Variants in B3GALT1 observed in about 807,000 individuals in gnomAD.
B3GALT1 encodes UDP-Gal:betaGlcNAc beta 1,3-galactosyltransferase, polypeptide 1.
A neutral mutation model predicts 23.2 loss-of-function variants in B3GALT1; 10 were observed. That is an observed-to-expected ratio of 0.43 (90% CI 0.27 to 0.73). B3GALT1 has a LOEUF of 0.73. B3GALT1 is among the 30% of genes least tolerant of loss of function. B3GALT1 has a pLI of 0.21. For synonymous variants in B3GALT1, 156 were observed against 141.5 expected, an observed-to-expected ratio of 1.10 and a Z score of -0.73; for missense variants, 299 against 405.4, an observed-to-expected ratio of 0.74 and a Z score of 2.25.
chr2:167,534,239 G>A (rs1338823013), intron 2 of B3GALT1, among the ~76,000 whole-genome samples: 1 of 151,958 alleles, frequency 6.6e-6, no homozygotes, highest in Non-Finnish European at 1.5e-5. Context: ...TTTCCCTCTG[G>A]AATCTCATGT....
intron 2 of B3GALT1, among the ~76,000 whole-genome samples, chr2:167,491,184 C>G (rs981698183): frequency 6.6e-6 from 1 of 152,040 alleles, no homozygotes; most frequent in African/African-American, 2.4e-5. Flanking sequence ...AGTAGTCATT[C>G]AAAAAATGTT....
At chr2:167,383,394 G>T (rs1697871787) in intron 1 of B3GALT1, among the ~76,000 whole-genome samples, 1 of 152,110 alleles carries the variant, frequency 6.6e-6, no homozygotes, top group East Asian at 1.9e-4. Flanking sequence ...CAAATAACAT[G>T]AAGTAGGCCT....
intron 1 of B3GALT1, among the ~76,000 whole-genome samples, chr2:167,355,179 T>G (rs936038712): frequency 6.6e-6 from 1 of 152,240 alleles, no homozygotes; most frequent in African/African-American, 2.4e-5. Context: ...TCTTTCTCTT[T>G]TCAACATGTC....
chr2:167,419,805 C>T (rs1188300122), intron 1 of B3GALT1, among the ~76,000 whole-genome samples: 5 of 152,014 alleles, frequency 3.3e-5, no homozygotes, highest in Non-Finnish European at 5.9e-5. Flanking sequence ...AGAAACAGTC[C>T]CCTGGGCCTG....
At chr2:167,568,883 T>A (rs1355199164) in intron 2 of B3GALT1, among the ~76,000 whole-genome samples, 1 of 151,986 alleles carries the variant, frequency 6.6e-6, no homozygotes, top group East Asian at 1.9e-4. Flanking sequence ...CTATAATCCA[T>A]CTTAATTTTG....
At chr2:167,565,018 T>C (rs1026535244) in intron 2 of B3GALT1, among the ~76,000 whole-genome samples, 2 of 152,250 alleles carry the variant, frequency 1.3e-5, no homozygotes, top group Admixed American at 1.3e-4. Flanking sequence ...TTAAATTTCA[T>C]ATGGAACCAA....
chr2:167,546,219 A>G (rs746673510), intron 2 of B3GALT1, among the ~76,000 whole-genome samples: 15 of 152,316 alleles, frequency 9.8e-5, no homozygotes, highest in East Asian at 3.9e-4. Context: ...CCTTCTCCCT[A>G]TGGAATCCTG....
chr2:167,435,151 C>T (rs2030656), intron 1 of B3GALT1, among the ~76,000 whole-genome samples: 4 of 151,424 alleles, frequency 2.6e-5, no homozygotes, highest in African/African-American at 7.3e-5. Flanking sequence ...TTTAAGAAAC[C>T]GAAGACATTT....
At chr2:167,784,542 A>G (rs577754263) in intron 3 of B3GALT1, among the ~76,000 whole-genome samples, 2 of 152,344 alleles carry the variant, frequency 1.3e-5, no homozygotes, top group South Asian at 2.1e-4. Context: ...TAAAGAAAAT[A>G]GCATTTAAGC....
At chr2:167,840,300 C>T (rs1021346065) in intron 4 of B3GALT1, among the ~76,000 whole-genome samples, 7 of 151,962 alleles carry the variant, frequency 4.6e-5, no homozygotes, top group Non-Finnish European at 1.0e-4. Flanking sequence ...GGCTAATATC[C>T]AGAATCTACA....
intron 2 of B3GALT1, among the ~76,000 whole-genome samples, chr2:167,637,249 G>A (rs1263954132): frequency 1.3e-5 from 2 of 151,978 alleles, no homozygotes; most frequent in African/African-American, 4.8e-5. Flanking sequence ...AAATCACTCT[G>A]CTACTCTTTA....
intron 1 of B3GALT1, among the ~76,000 whole-genome samples, chr2:167,437,077 G>T (rs1698798098): frequency 1.3e-5 from 2 of 152,086 alleles, no homozygotes; most frequent in Admixed American, 1.3e-4. Context: ...AATTTCTTTT[G>T]GTGAGGGTCT....
intron 3 of B3GALT1, chr2:167,715,454 C>T (rs760197528): frequency 3.0e-5 from 49 of 1,606,830 alleles, no homozygotes; most frequent in Middle Eastern, 1.6e-4. Context: ...TGCTATCGCC[C>T]GTCGTTCTTC....
chr2:167,812,130 A>G (rs929036187), intron 3 of B3GALT1, among the ~76,000 whole-genome samples: 4 of 152,230 alleles, frequency 2.6e-5, no homozygotes, highest in Non-Finnish European at 5.9e-5. Context: ...ATTTCTCACT[A>G]GAGCTAACTG....
At chr2:167,686,377 A>G (rs1686616031) in intron 3 of B3GALT1, among the ~76,000 whole-genome samples, 1 of 152,276 alleles carries the variant, frequency 6.6e-6, no homozygotes, top group African/African-American at 2.4e-5. Context: ...ATGAAACATA[A>G]TCTTAGAAAA....
At chr2:167,589,780 T>C (rs561205508) in intron 2 of B3GALT1, among the ~76,000 whole-genome samples, 2 of 152,224 alleles carry the variant, frequency 1.3e-5, no homozygotes, top group South Asian at 4.1e-4. Context: ...AATAAAACAT[T>C]GGCAGTTTTC....
At chr2:167,464,845 ATGAT>A (rs1699320713) in intron 1 of B3GALT1, among the ~76,000 whole-genome samples, 1 of 152,202 alleles carries the variant, frequency 6.6e-6, no homozygotes, top group South Asian at 2.1e-4. Flanking sequence ...TATCCACAGC[ATGAT>A]TGATCACAAG....
intron 1 of B3GALT1, among the ~76,000 whole-genome samples, chr2:167,405,574 G>T (rs540948105): frequency 5.9e-5 from 9 of 151,984 alleles, no homozygotes; most frequent in South Asian, 2.1e-4. Context: ...GAAAATAAGA[G>T]ATCAAGATAA....
intron 1 of B3GALT1, among the ~76,000 whole-genome samples, chr2:167,340,626 T>G (rs1354138314): frequency 6.6e-6 from 1 of 152,226 alleles, no homozygotes; most frequent in Non-Finnish European, 1.5e-5. Flanking sequence ...AATGGTCATG[T>G]CACCTTGACG....
Sources: gnomAD v4.1 joint callset for allele counts (sites outside exome capture counted in the v4.1 genomes callset) on GRCh38, gnomAD v4.1.1 for gene constraint, MANE v1.5 for transcripts, NCBI Gene and HGNC (gene_info 2026-07-23, HGNC 2026-07-21) for gene names.